The following TEKT1 variants were observed in gnomAD, a reference collection of about 807,000 sequenced individuals.
The protein encoded by TEKT1 is tektin-1.
In TEKT1, 32 loss-of-function variants were observed where a neutral mutation model predicts 34.8. The ratio of observed to expected loss-of-function variants is 0.92; its 90% CI spans 0.69 to 1.23. The LOEUF (loss-of-function observed/expected upper bound fraction) is 1.23, where lower values mean the gene tolerates loss of function less well. Among genes scored for constraint, TEKT1 ranks in the 50% most tolerant of loss-of-function variants. The pLI is 0.00. For synonymous variants in TEKT1, 207 were observed against 199.8 expected, an observed-to-expected ratio of 1.04 and a Z score of -0.30; for missense variants, 492 against 518.5, an observed-to-expected ratio of 0.95 and a Z score of 0.50.
rs1976731471 is a variant in TEKT1 at position 6,799,056 on chromosome 17, G to A, written c.*971C>T. 1 of 152,192 alleles carries A rather than the reference G, an allele frequency of 6.6e-6. No individual in the cohort carries two copies. The highest frequency in any genetic ancestry group is 6.5e-5 in the Admixed American group (1 of 15,280). The allele number at this position is 152,192 out of a possible 1,614,324, so 9.4% of individuals were successfully genotyped here. A position where few individuals can be genotyped will look rare whatever the true frequency, so the allele number is the denominator to read the frequency against. Reference sequence around the variant, plus strand: ...GGAAAGTGTTCCTTCAATGTTAGCGGAATAAGGAACAAATGAGCAGTTTCC... The same window carrying A: ...GGAAAGTGTTCCTTCAATGTTAGCGAAATAAGGAACAAATGAGCAGTTTCC... On this transcript the variant is annotated 3_prime_UTR_variant, in exon 8 of 8. Coordinates refer to ENST00000338694, the MANE Select transcript of TEKT1 (RefSeq NM_053285.2).
chr17:6,803,775 T>C (rs1260484560), intron 6 of TEKT1, among the ~76,000 whole-genome samples: 1 of 152,158 alleles, frequency 6.6e-6, no homozygotes, highest in East Asian at 1.9e-4. Context: ...GTTGTAGATA[T>C]GCGGCAGTAT....
chr17:6,812,307 T>C (rs907154533), intron 6 of TEKT1, among the ~76,000 whole-genome samples: 4 of 152,046 alleles, frequency 2.6e-5, no homozygotes, highest in Non-Finnish European at 4.4e-5. Context: ...TTTACGGTGG[T>C]GTGAAAGTGA....
intron 3 of TEKT1, among the ~76,000 whole-genome samples, chr17:6,816,755 G>A (rs1310271435): frequency 2.6e-5 from 4 of 152,152 alleles, no homozygotes; most frequent in Admixed American, 2.6e-4. Context: ...CCAGTAATGG[G>A]ATTGCTGGGT....
chr17:6,815,208 G>A lies in TEKT1; in HGVS notation c.584C>T (p.Ser195Leu), dbSNP rs1322073438. Residue 195 changes from serine (S) to leucine (L), a missense_variant, in exon 5 of 8, where the codon TCA becomes TTA. Ser to Leu is a moderately radical substitution (Grantham distance 145). Coordinates refer to ENST00000338694, the MANE Select transcript of TEKT1 (RefSeq NM_053285.2). ...DDICFSLNNN[S>L]PNIRYSENAV... ...GTTCTCAGAATATCTGATGTTTGGTGAGTTGTTGTTGAGCGAGAAGCAGAT... is the reference window on the plus strand; with the variant it reads ...GTTCTCAGAATATCTGATGTTTGGTAAGTTGTTGTTGAGCGAGAAGCAGAT... 6.2e-7 allele frequency: 1 copy of A among 1,614,188 alleles called. No individual in the cohort carries two copies. The highest frequency in any genetic ancestry group is 8.5e-7 in the Non-Finnish European group (1 of 1,180,024).
chr17:6,806,058 A>G (rs1976840194), intron 6 of TEKT1, among the ~76,000 whole-genome samples: 1 of 152,144 alleles, frequency 6.6e-6, no homozygotes, highest in Non-Finnish European at 1.5e-5. Flanking sequence ...TCTAATGTTG[A>G]CAGTGGGGTG....
chr17:6,799,623 A>C lies in TEKT1; in HGVS notation c.*404T>G, dbSNP rs1262544103. On this transcript the variant is annotated 3_prime_UTR_variant, in exon 8 of 8. Transcript: ENST00000338694. Reference sequence around the variant, plus strand: ...TTATTTGAGTATTTAAGAGAAAAAAAACACATTATTTTCTAGAGAAAAGAA... The same window carrying C: ...TTATTTGAGTATTTAAGAGAAAAAACACACATTATTTTCTAGAGAAAAGAA... 1 of 156,236 alleles carries C rather than the reference A, an allele frequency of 6.4e-6. No individual in the cohort carries two copies. Among genetic ancestry groups the C allele is most frequent in the African/African-American group, 2.4e-5 (1 of 41,574 alleles). 9.7% of individuals were successfully genotyped at this position (156,236 alleles called of 1,614,324 possible).
intron 2 of TEKT1, among the ~76,000 whole-genome samples, chr17:6,827,938 T>A (rs921505419): frequency 7.3e-6 from 1 of 136,402 alleles, no homozygotes; most frequent in Non-Finnish European, 1.6e-5. Flanking sequence ...AAATGAATAA[T>A]GATTTCTCTT....
rs1976756930 is a variant in TEKT1 at position 6,800,643 on chromosome 17, G to A, written c.1049+104C>T. ...GGGGGCATTCCTCAAGCATTCCAGA[G>A]CAGGCTGGCTTCATTCACGCTGCTG... On this transcript the variant is annotated intron_variant, in intron 7 of 7. Transcript: ENST00000338694. The A allele has an allele frequency of 4.4e-6, 6 of 1,363,776 alleles. No homozygotes were observed. In the Admixed American group the frequency reaches 1.1e-4, roughly 26 times the overall value. 84.5% of individuals were successfully genotyped at this position (1,363,776 alleles called of 1,614,324 possible).
chr17:6,800,117 C>T lies in TEKT1; in HGVS notation c.1167G>A (p.Leu389=). Reference sequence around the variant, plus strand: ...GGATGGATTTCCTCATCTGCATACACAGCACTTCGTCGATATAAATGGTGT... The same window carrying T: ...GGATGGATTTCCTCATCTGCATACATAGCACTTCGTCGATATAAATGGTGT... ...KENTIYIDEV[L]CMQMRKSIPL... is the part of the protein sequence containing the mutation. The change falls in exon 8 of 8, where the codon CTG becomes CTA. Residue 389 remains leucine (L), a synonymous_variant. Coordinates refer to ENST00000338694, the MANE Select transcript of TEKT1 (RefSeq NM_053285.2). 6.2e-7 allele frequency: 1 copy of T among 1,614,120 alleles called. No individual in the cohort carries two copies. Among genetic ancestry groups the T allele is most frequent in the South Asian group, 1.1e-5 (1 of 91,090 alleles).
intron 6 of TEKT1, among the ~76,000 whole-genome samples, chr17:6,807,646 G>C (rs1310786889): frequency 6.6e-6 from 1 of 152,128 alleles, no homozygotes; most frequent in Non-Finnish European, 1.5e-5. Context: ...ATAGGGTTTT[G>C]GTGTGGATGT....
At chr17:6,815,648 G>A (rs909097145) in intron 4 of TEKT1, among the ~76,000 whole-genome samples, 186 bp downstream of exon 4, 12 of 152,182 alleles carry the variant, frequency 7.9e-5, no homozygotes, top group African/African-American at 2.9e-4. Context: ...CTTACCAGAG[G>A]GCGGCTGCCA....
rs773220969 is a variant in TEKT1 at position 6,830,392 on chromosome 17, T to C, written c.-16A>G. The C allele has an allele frequency of 6.5e-7, 1 of 1,544,718 alleles. No individual in the cohort carries two copies. On this transcript the variant is annotated splice_region_variant and 5_prime_UTR_variant, in exon 2 of 8. Transcript: ENST00000338694. ...GTTTAGCCATTTGAGGTTTCCAAAT[T>C]CCTGATCAAAAGCAGACTCTTTTAG...
Position 6,800,112 on chromosome 17 carries a change from A to G in TEKT1, c.1172T>C (p.Met391Thr). 1 of 1,614,070 alleles carries G rather than the reference A, an allele frequency of 6.2e-7. No homozygotes were observed. Among genetic ancestry groups the G allele is most frequent in the Non-Finnish European group, 8.5e-7 (1 of 1,180,038 alleles). The change falls in exon 8 of 8, where the codon ATG (methionine) becomes ACG (threonine). Residue 391 changes from methionine (M) to threonine (T), a missense_variant. Physicochemically the swap from Met to Thr is moderately conservative, Grantham distance 81 (BLOSUM62 -1). Coordinates refer to ENST00000338694, the MANE Select transcript of TEKT1 (RefSeq NM_053285.2). ...AAGTGGGATGGATTTCCTCATCTGC[A>G]TACACAGCACTTCGTCGATATAAAT... ...NTIYIDEVLC[M>T]QMRKSIPLRD...
intron 6 of TEKT1, among the ~76,000 whole-genome samples, 193 bp from the exon 7 acceptor site, chr17:6,801,136 C>A (rs192834395): frequency 6.6e-5 from 10 of 152,280 alleles, no homozygotes; most frequent in Middle Eastern, 6.8e-3. Context: ...AGACTTAAAA[C>A]CTTATGGACT....
intron 3 of TEKT1, among the ~76,000 whole-genome samples, chr17:6,817,389 A>G (rs549038620): frequency 1.3e-5 from 2 of 152,314 alleles, no homozygotes; most frequent in South Asian, 4.1e-4. Context: ...AAAAATTTTA[A>G]AAGATGTTTA....
At position 6,815,247 on chromosome 17, in the gene TEKT1, A is replaced by G. The variant is rs752373811; in HGVS notation, c.545T>C (p.Leu182Pro). Residue 182 changes from leucine to proline, a missense_variant, in exon 5 of 8, where the codon CTG becomes CCG. Coordinates refer to ENST00000338694, the MANE Select transcript of TEKT1 (RefSeq NM_053285.2). ...EKDLKDKFVA[L>P]TIDDICFSLN... is the part of the protein sequence containing the mutation. ...CGAGAAGCAGATATCATCTATGGTC[A>G]GGGCCACAAACTTGTCCTTCAAATC... 1.2e-6 allele frequency: 2 copies of G among 1,614,242 alleles called. No homozygotes were observed. Among genetic ancestry groups the G allele is most frequent in the East Asian group, 4.5e-5 (2 of 44,886 alleles).
chr17:6,830,505 A>G, intron 1 of TEKT1, 112 bp from the exon 2 acceptor site: 1 of 766,266 alleles, frequency 1.3e-6, no homozygotes, highest in Non-Finnish European at 2.0e-6. Flanking sequence ...CATAATCTGT[A>G]CACAAAATAA....
chr17:6,811,071 A>G lies in TEKT1; in HGVS notation c.852+1760T>C, dbSNP rs2151584936. 6.6e-6 allele frequency among the ~76,000 whole-genome samples: 1 copy of G among 152,094 alleles called. No homozygotes were observed. The highest frequency in any genetic ancestry group is 2.1e-4 in the South Asian group (1 of 4,812). ...CATCTTATTTTATTGTTTTATTACC[A>G]GTATGTCTTTGTTTCTGCTCCTTAG... On this transcript the variant is annotated intron_variant, in intron 6 of 7. Transcript: ENST00000338694. The surrounding 1 kb of genome is among the most constrained non-coding windows in gnomAD (Gnocchi z 4.4).
At chr17:6,805,320 T>A (rs1389044072) in intron 6 of TEKT1, among the ~76,000 whole-genome samples, 1 of 152,192 alleles carries the variant, frequency 6.6e-6, no homozygotes, top group Non-Finnish European at 1.5e-5. Context: ...ATCCCCCTTA[T>A]CATTTTTTAT....
Sources: gnomAD v4.1 joint callset for allele counts (sites outside exome capture counted in the v4.1 genomes callset) on GRCh38, gnomAD v4.1.1 for gene constraint, Gnocchi (gnomAD v3.1) non-coding constraint, MANE v1.5 for transcripts, NCBI Gene and HGNC (gene_info 2026-07-23, HGNC 2026-07-21) for gene names.